The following GRM7 variants were observed in gnomAD, a reference collection of about 807,000 sequenced individuals.
GRM7 encodes metabotropic glutamate receptor 7.
In GRM7, 35 loss-of-function variants were observed where a neutral mutation model predicts 84.5. The observed-to-expected ratio is 0.41, with a 90% CI of 0.32 to 0.55. The LOEUF (loss-of-function observed/expected upper bound fraction) is 0.55, where lower values mean the gene tolerates loss of function less well. Ranked by LOEUF, GRM7 falls within the 20% of genes least tolerant of loss-of-function variation. The pLI, the probability that GRM7 is intolerant of heterozygous loss-of-function variation, is 0.19. For missense variants in GRM7, 1,003 were observed against 1,194.6 expected (o/e 0.84, Z 2.36); for synonymous variants, 487 against 455.1 (o/e 1.07, Z -0.89).
At chr3:7,611,885 C>T (rs1209908707) in intron 8 of GRM7, among the ~76,000 whole-genome samples, 2 of 152,100 alleles carry the variant, frequency 1.3e-5, no homozygotes, top group African/African-American at 4.8e-5. Flanking sequence ...ATACAAAAAT[C>T]ATACATGTTT....
At chr3:7,671,001 A>G (rs1301345399) in intron 8 of GRM7, among the ~76,000 whole-genome samples, 1 of 152,202 alleles carries the variant, frequency 6.6e-6, no homozygotes, top group African/African-American at 2.4e-5. Context: ...TAACATTTTT[A>G]GTGCTCTCAA....
intron 2 of GRM7, among the ~76,000 whole-genome samples, chr3:7,218,083 G>C (rs1029622526): frequency 6.6e-6 from 1 of 152,064 alleles, no homozygotes; most frequent in Non-Finnish European, 1.5e-5. Flanking sequence ...TAGTGACTGG[G>C]ATATGACTAA....
chr3:7,418,023 A>G (rs1178897169), intron 5 of GRM7, among the ~76,000 whole-genome samples: 2 of 152,146 alleles, frequency 1.3e-5, no homozygotes, highest in African/African-American at 4.8e-5. Flanking sequence ...AACATGAGAT[A>G]AGCTGTTCAT....
At chr3:7,622,236 C>A (rs192048981) in intron 8 of GRM7, among the ~76,000 whole-genome samples, 78 of 152,208 alleles carry the variant, frequency 5.1e-4, no homozygotes, top group Admixed American at 3.0e-3. Context: ...ATTAAGCACC[C>A]ACTCTTTGGT....
rs952290648 is a variant in GRM7, at chr3:7,248,196, C to T, written c.737-50488C>T. 3.3e-5 allele frequency among the ~76,000 whole-genome samples: 5 copies of T among 152,232 alleles called. No individual in the cohort carries two copies. In the East Asian group the frequency reaches 5.8e-4, roughly 18 times the overall value. On this transcript the variant is annotated intron_variant, in intron 2 of 9. Transcript: ENST00000357716. ...CTTATAGCAGCTCTATTTATTATAG[C>T]GCAAACTAGAAGAGACTCAAATGTT...
At chr3:7,418,659 G>C (rs945558325) in intron 5 of GRM7, among the ~76,000 whole-genome samples, 1 of 152,110 alleles carries the variant, frequency 6.6e-6, no homozygotes, top group African/African-American at 2.4e-5. Context: ...TTTAGAGTAT[G>C]ACCTCTTTGG....
chr3:7,487,393 A>G (rs1229758340), intron 7 of GRM7, among the ~76,000 whole-genome samples: 1 of 152,182 alleles, frequency 6.6e-6, no homozygotes, highest in Non-Finnish European at 1.5e-5. Context: ...TAGCATGGAT[A>G]AAAGGGATTC....
chr3:7,192,006 C>T (rs1237043622), intron 2 of GRM7, among the ~76,000 whole-genome samples: 4 of 152,086 alleles, frequency 2.6e-5, no homozygotes, highest in Non-Finnish European at 5.9e-5. Flanking sequence ...ACCCAGGCCT[C>T]TTGTGAACAG....
At chr3:7,166,405 C>G (rs564429568) in intron 2 of GRM7, among the ~76,000 whole-genome samples, 99 of 152,216 alleles carry the variant, frequency 6.5e-4, no homozygotes, top group Non-Finnish European at 1.2e-3. Flanking sequence ...AGGATTGTTT[C>G]CCTCTGTCCC....
chr3:6,967,780 A>G (rs1339944428), intron 1 of GRM7, among the ~76,000 whole-genome samples: 2 of 152,186 alleles, frequency 1.3e-5, no homozygotes, highest in East Asian at 3.9e-4. Flanking sequence ...GGGACTAGGC[A>G]GACATGAGCT....
intron 1 of GRM7, among the ~76,000 whole-genome samples, chr3:6,880,162 A>G (rs1695456586): frequency 6.6e-6 from 1 of 152,152 alleles, no homozygotes; most frequent in African/African-American, 2.4e-5. Flanking sequence ...AGAATGGGTA[A>G]TTAATCAGAT....
intron 1 of GRM7, among the ~76,000 whole-genome samples, chr3:6,969,017 TTAG>T (rs1170939366): frequency 6.6e-6 from 1 of 152,170 alleles, no homozygotes; most frequent in Non-Finnish European, 1.5e-5. Flanking sequence ...TGATGTCATG[TTAG>T]TAGCATAAAT....
At chr3:7,148,894 G>C (rs1477769004) in intron 2 of GRM7, among the ~76,000 whole-genome samples, 1 of 152,168 alleles carries the variant, frequency 6.6e-6, no homozygotes, top group Non-Finnish European at 1.5e-5. Context: ...CAAGGAAACA[G>C]TGAATGTTTA....
intron 8 of GRM7, among the ~76,000 whole-genome samples, chr3:7,629,902 T>G (rs112608653): frequency 6.6e-6 from 1 of 152,132 alleles, no homozygotes; most frequent in South Asian, 2.1e-4. Flanking sequence ...CCAGAACAGA[T>G]AGCTAATAAG....
chr3:7,321,161 C>G (rs929365114), intron 4 of GRM7, among the ~76,000 whole-genome samples: 1 of 151,864 alleles, frequency 6.6e-6, no homozygotes, highest in African/African-American at 2.4e-5. Flanking sequence ...TTAGATAATG[C>G]AGAAAGATAT....
intron 2 of GRM7, among the ~76,000 whole-genome samples, chr3:7,294,674 C>T (rs1699754404): frequency 6.6e-6 from 1 of 152,090 alleles, no homozygotes; most frequent in Admixed American, 6.6e-5. Flanking sequence ...GCCTCAAAAT[C>T]TGACCACCTG....
intron 5 of GRM7, among the ~76,000 whole-genome samples, chr3:7,447,997 G>A (rs1412466819): frequency 6.8e-6 from 1 of 147,710 alleles, no homozygotes; most frequent in Non-Finnish European, 1.5e-5. Context: ...AGAACATGCG[G>A]TGTTTGGTTT....
intron 2 of GRM7, among the ~76,000 whole-genome samples, chr3:7,272,058 C>A (rs1559543502): frequency 1.3e-5 from 2 of 152,288 alleles, no homozygotes; most frequent in East Asian, 3.9e-4. Flanking sequence ...AAATCCATTT[C>A]TGCGTGGTTA....
At chr3:7,479,394 T>C (rs1193554411) in intron 7 of GRM7, among the ~76,000 whole-genome samples, 1 of 151,750 alleles carries the variant, frequency 6.6e-6, no homozygotes, top group African/African-American at 2.4e-5. Flanking sequence ...AAGAGACCAC[T>C]CTCAAGCAGA....
Sources: allele counts gnomAD v4.1 joint callset (sites outside exome capture counted in the v4.1 genomes callset), GRCh38; gene constraint gnomAD v4.1.1; transcripts MANE v1.5; gene names NCBI Gene and HGNC (gene_info 2026-07-23, HGNC 2026-07-21).